AKAP17A: variants seen among roughly 807,000 people sequenced by gnomAD.
The protein encoded by AKAP17A is A-kinase anchoring protein 17A, also known as A-kinase anchor protein 17A.
A neutral mutation model predicts 52.2 loss-of-function variants in AKAP17A; 15 were observed. The ratio of observed to expected loss-of-function variants is 0.29; its 90% CI spans 0.19 to 0.44. The LOEUF is 0.44. Ranked by LOEUF, AKAP17A falls within the 20% of genes least tolerant of loss-of-function variation. AKAP17A has a pLI of 1.00. For missense variants in AKAP17A, 1,060 were observed against 1,007.0 expected (o/e 1.05, Z -0.71); for synonymous variants, 514 against 424.7 (o/e 1.21, Z -2.58).
At chrX:1,600,107 G>T in intron 4 of AKAP17A, 1 of 1,286,328 alleles carries the variant, frequency 7.8e-7, no homozygotes, top group Non-Finnish European at 1.0e-6. Context: ...TCCAACGCGG[G>T]GCGACCCCAT....
At position 1,599,438 on chromosome X, in the gene AKAP17A, C is replaced by CG; in HGVS notation, c.1152+11dup. 6.4e-7 allele frequency: 1 copy of CG among 1,558,066 alleles called. No individual in the cohort carries two copies. Among genetic ancestry groups the CG allele is most frequent in the Non-Finnish European group, 8.7e-7 (1 of 1,152,060 alleles). On this transcript the variant is annotated splice_region_variant and intron_variant, in intron 4 of 4. Coordinates refer to ENST00000313871, the MANE Select transcript of AKAP17A (RefSeq NM_005088.3). Reference sequence around the variant, plus strand: ...AGCTGCTCAGCAGAGCCAAGGTACCCGGGGGCTCCCTCTGCAGCCGCCAGC... The same window carrying CG: ...AGCTGCTCAGCAGAGCCAAGGTACCCGGGGGGCTCCCTCTGCAGCCGCCAGC...
chrX:1,600,446 ATGGCCCCAGGTG>A (rs1367053727), intron 4 of AKAP17A: 2 of 640,268 alleles, frequency 3.1e-6, no homozygotes, highest in African/African-American at 3.7e-5. Context: ...CAGACGCATG[ATGGCCCCAGGTG>A]TGGCCGCGGG....
chrX:1,596,556 C>G (rs1186938447), intron 3 of AKAP17A, among the ~76,000 whole-genome samples: 11 of 132,352 alleles, frequency 8.3e-5, no homozygotes, highest in Non-Finnish European at 1.8e-4. Flanking sequence ...CCCTCCCACC[C>G]TCCTAGTGAG....
Position 1,593,704 on chromosome X carries a change from G to A in AKAP17A, c.242G>A (p.Gly81Glu). ...ACCATGGACTTCATCCGCTTCGAGG[G>A]GGAGGTGGAGAACAAGAGCCTGGTC... is the stretch of plus-strand genomic sequence containing the variant. ...KSTMDFIRFE[G>E]EVENKSLVKS... Residue 81 changes from glycine (G) to glutamate (E), a missense_variant, in exon 2 of 5, where the codon GGG becomes GAG. Physicochemically the swap from Gly to Glu is moderately conservative, Grantham distance 98. Coordinates refer to ENST00000313871, the MANE Select transcript of AKAP17A (RefSeq NM_005088.3). 6.2e-7 allele frequency: 1 copy of A among 1,614,004 alleles called. No homozygotes were observed. Among genetic ancestry groups the A allele is most frequent in the Non-Finnish European group, 8.5e-7 (1 of 1,179,880 alleles).
chrX:1,598,429 C>A (rs1268823340), intron 3 of AKAP17A, among the ~76,000 whole-genome samples: 3 of 152,002 alleles, frequency 2.0e-5, no homozygotes, highest in Admixed American at 2.0e-4. Context: ...TGTGGCCTCA[C>A]TAGGCGGTTG....
In AKAP17A at chrX:1,599,292, CAGA is replaced by C. The variant is rs765137434; in HGVS notation, c.1018_1020del (p.Lys340del). Reference sequence around the variant, plus strand: ...GAGGGACCGTGAGCTGCGCCGGAATCAGAAGAAGCTGGAGAAGCTGCAGGCGGA... The same window carrying C: ...GAGGGACCGTGAGCTGCGCCGGAATCAGAAGCTGGAGAAGCTGCAGGCGGA... On this transcript the variant is annotated inframe_deletion, in exon 4 of 5. Transcript: ENST00000313871. 7.4e-6 allele frequency: 12 copies of C among 1,611,380 alleles called. No individual in the cohort carries two copies. Among genetic ancestry groups the C allele is most frequent in the Non-Finnish European group, 1.0e-5 (12 of 1,179,368 alleles).
At chrX:1,599,731 G>C in intron 4 of AKAP17A, 1 of 621,720 alleles carries the variant, frequency 1.6e-6, no homozygotes, top group Non-Finnish European at 2.9e-6. Context: ...CCTTTGGGTC[G>C]GGGCAGTGGC....
At chrX:1,595,638 A>G (rs1240374965) in intron 3 of AKAP17A, 106 bp downstream of exon 3, 4 of 1,525,314 alleles carry the variant, frequency 2.6e-6, no homozygotes, top group South Asian at 2.4e-5. Context: ...GTGTGTGTGC[A>G]TGCATGCTTG....
intron 2 of AKAP17A, 45 bp downstream of exon 2, chrX:1,594,269 C>T (rs373153027): frequency 1.1e-5 from 17 of 1,498,768 alleles, no homozygotes; most frequent in East Asian, 7.0e-5. Context: ...CTCCCTCTGG[C>T]GACTTCCTTC....
chrX:1,592,023 T>C (rs1198346234), intron 1 of AKAP17A, among the ~76,000 whole-genome samples: 2 of 150,198 alleles, frequency 1.3e-5, no homozygotes, highest in Non-Finnish European at 3.0e-5. Flanking sequence ...CTGGAGCGGT[T>C]CCTGGGACTG....
Position 1,601,145 on chromosome X carries a change from C to G in AKAP17A, c.1639C>G (p.Leu547Val). 1.2e-6 allele frequency: 2 copies of G among 1,613,828 alleles called. No homozygotes were observed. The highest frequency in any genetic ancestry group is 1.7e-6 in the Non-Finnish European group (2 of 1,179,730). The change falls in exon 5 of 5, where the codon CTC (leucine) becomes GTC (valine). Residue 547 changes from leucine (L) to valine (V), a missense_variant. By Grantham distance (32) the Leu-to-Val change is conservative. This residue lies in a region of AKAP17A where 793 missense variants were observed against 629.9 expected (regional missense o/e 1.26). Coordinates refer to ENST00000313871, the MANE Select transcript of AKAP17A (RefSeq NM_005088.3). ...SPEKRCPGGV[L>V]SCIPDNNQQP... ...AGAGAAGAGGTGCCCGGGCGGCGTC[C>G]TCTCCTGCATTCCTGACAACAACCA...
At chrX:1,597,581 C>G (rs2149443381) in intron 3 of AKAP17A, among the ~76,000 whole-genome samples, 1 of 151,940 alleles carries the variant, frequency 6.6e-6, no homozygotes, top group South Asian at 2.1e-4. Flanking sequence ...AGGCTGCAGA[C>G]ACAGCCCAGG....
intron 3 of AKAP17A, among the ~76,000 whole-genome samples, chrX:1,598,428 A>G (rs1260900822): frequency 3.9e-5 from 6 of 151,904 alleles, no homozygotes; most frequent in African/African-American, 1.5e-4. Context: ...TTGTGGCCTC[A>G]CTAGGCGGTT....
chrX:1,596,892 G>GTGAGGTGGAATCCTCCTCCTCCTTCTCCA, intron 3 of AKAP17A, among the ~76,000 whole-genome samples: 1 of 105,664 alleles, frequency 9.5e-6, no homozygotes, highest in African/African-American at 3.9e-5. Flanking sequence ...CTCCTTCTCC[G>GTGAGGTGGAATCCTCCTCCTCCTTCTCCA]TCCCTCCCAC....
intron 3 of AKAP17A, 69 bp downstream of exon 3, chrX:1,595,601 CG>C: frequency 6.3e-7 from 1 of 1,598,938 alleles, no homozygotes; most frequent in Non-Finnish European, 8.5e-7. Context: ...GACCCGTGTG[CG>C]TGTGTCTGCA....
chrX:1,600,027 AGACAGACCTCCCCAG>A (rs1181604099), intron 4 of AKAP17A: 20 of 614,256 alleles, frequency 3.3e-5, no homozygotes, highest in African/African-American at 1.1e-4. Context: ...GCCCACAGAC[AGACAGACCTCCCCAG>A]GACAGACGTC....
At chrX:1,600,408 C>T (rs1186232173) in intron 4 of AKAP17A, 8 of 627,852 alleles carry the variant, frequency 1.3e-5, no homozygotes, top group South Asian at 3.9e-5. Flanking sequence ...TGCGCCGAGC[C>T]GCTTTGCCAA....
intron 3 of AKAP17A, among the ~76,000 whole-genome samples, chrX:1,598,437 T>C (rs1933142041): frequency 6.6e-6 from 1 of 151,922 alleles, no homozygotes; most frequent in African/African-American, 2.4e-5. Context: ...CACTAGGCGG[T>C]TGGCGGCGCC....
At position 1,601,422 on chromosome X, in the gene AKAP17A, C is replaced by T. The variant is rs189191360; in HGVS notation, c.1916C>T (p.Thr639Met). ...YKDDSPRRRSTSPDHTRSRRS... is the reference protein window; with the variant it reads ...YKDDSPRRRSMSPDHTRSRRS... ...GATGACAGCCCCCGCCGGCGCAGCACGAGCCCGGACCACACCCGGTCCCGG... is the reference window on the plus strand; with the variant it reads ...GATGACAGCCCCCGCCGGCGCAGCATGAGCCCGGACCACACCCGGTCCCGG... Residue 639 changes from threonine (T) to methionine (M), a missense_variant, in exon 5 of 5, where the codon ACG becomes ATG. Thr to Met is a moderately conservative substitution (Grantham distance 81, BLOSUM62 -1). Around this residue, in one of 2 missense-constraint regions of AKAP17A, gnomAD observed 793 missense variants for 629.9 expected, o/e 1.26. Coordinates refer to ENST00000313871, the MANE Select transcript of AKAP17A (RefSeq NM_005088.3). 1.5e-3 allele frequency: 2,317 copies of T among 1,566,898 alleles called. 39 individuals are homozygous for T. The Admixed American group carries it at 0.034, about 23-fold the overall frequency.
Sources: allele counts gnomAD v4.1 joint callset (sites outside exome capture counted in the v4.1 genomes callset), GRCh38; gene constraint gnomAD v4.1.1; regional missense constraint gnomAD v4.1.1; transcripts MANE v1.5; gene names NCBI Gene and HGNC (gene_info 2026-07-23, HGNC 2026-07-21).